NEDD4: variants seen among roughly 807,000 people sequenced by gnomAD.
The protein encoded by NEDD4 is NEDD4 E3 ubiquitin protein ligase, also known as E3 ubiquitin-protein ligase NEDD4.
A neutral mutation model predicts 144.9 loss-of-function variants in NEDD4; 99 were observed. The observed-to-expected ratio is 0.68, with a 90% CI of 0.58 to 0.81. NEDD4 has a LOEUF of 0.81. Ranked by LOEUF, NEDD4 falls within the 30% of genes least tolerant of loss-of-function variation. NEDD4 has a pLI of 0.00. For synonymous variants in NEDD4, 318 were observed against 350.6 expected (o/e 0.91, Z 1.04); for missense variants, 985 against 1,065.9 (o/e 0.92, Z 1.06).
At chr15:55,844,736 C>G (rs2033669479) in intron 18 of NEDD4, among the ~76,000 whole-genome samples, 1 of 151,904 alleles carries the variant, frequency 6.6e-6, no homozygotes, top group South Asian at 2.1e-4. Context: ...TTATTCCTAA[C>G]TACAAGATGT....
intron 1 of NEDD4, among the ~76,000 whole-genome samples, chr15:55,986,082 T>A (rs1370984086): frequency 6.6e-6 from 1 of 152,174 alleles, no homozygotes; most frequent in African/African-American, 2.4e-5. Context: ...TTAATGACAG[T>A]AACTGATTAC....
At chr15:55,949,343 A>G (rs1323022356) in intron 4 of NEDD4, among the ~76,000 whole-genome samples, 22 of 152,192 alleles carry the variant, frequency 1.4e-4, no homozygotes, top group Admixed American at 1.4e-3. Flanking sequence ...ATACTTTTAC[A>G]CTGTTGGTGG....
intron 5 of NEDD4, among the ~76,000 whole-genome samples, chr15:55,906,583 G>A (rs1368819485): frequency 6.7e-6 from 1 of 149,596 alleles, no homozygotes; most frequent in African/African-American, 2.5e-5. Flanking sequence ...ACTGAACAAT[G>A]AGAACACTTG....
At chr15:55,990,709 T>C (rs1198003248) in intron 1 of NEDD4, among the ~76,000 whole-genome samples, 5 of 152,168 alleles carry the variant, frequency 3.3e-5, no homozygotes, top group South Asian at 4.1e-4. Context: ...AGTGTTTAGT[T>C]TTCCCACCTC....
chr15:55,919,535 T>C (rs2036530077), intron 5 of NEDD4, among the ~76,000 whole-genome samples: 2 of 152,174 alleles, frequency 1.3e-5, no homozygotes, highest in Non-Finnish European at 2.9e-5. Flanking sequence ...ACTGCTATTA[T>C]AGCAGTTACA....
At chr15:55,867,407 C>A (rs1225859449) in intron 8 of NEDD4, among the ~76,000 whole-genome samples, 2 of 152,160 alleles carry the variant, frequency 1.3e-5, no homozygotes, top group Non-Finnish European at 2.9e-5. Flanking sequence ...TGAAGCAGTT[C>A]TCTCCACAGA....
At chr15:55,988,765 A>T (rs2037940466) in intron 1 of NEDD4, among the ~76,000 whole-genome samples, 1 of 152,172 alleles carries the variant, frequency 6.6e-6, no homozygotes, top group Admixed American at 6.5e-5. Flanking sequence ...GTATTTAAAG[A>T]TGATGGGGCA....
chr15:55,841,414 A>G (rs1351003220), intron 19 of NEDD4, among the ~76,000 whole-genome samples: 2 of 152,224 alleles, frequency 1.3e-5, no homozygotes, highest in African/African-American at 2.4e-5. Flanking sequence ...AGTCAAATTC[A>G]TAGGGACAGA....
At chr15:55,966,589 G>A (rs1289999365) in intron 1 of NEDD4, 43 bp from the exon 2 acceptor site, 20 of 1,114,536 alleles carry the variant, frequency 1.8e-5, no homozygotes, top group Non-Finnish European at 2.4e-5. Context: ...GTACTTATAA[G>A]TTAACTAAGA....
intron 4 of NEDD4, among the ~76,000 whole-genome samples, chr15:55,931,322 T>A (rs1300723787): frequency 6.6e-6 from 1 of 152,144 alleles, no homozygotes; most frequent in Non-Finnish European, 1.5e-5. Flanking sequence ...AAAAAGTGGG[T>A]AGCAGGAATA....
chr15:55,985,760 TACAC>T (rs3049246), intron 1 of NEDD4, among the ~76,000 whole-genome samples: 259 of 148,304 alleles, frequency 1.7e-3, no homozygotes, highest in Middle Eastern at 7.1e-3. Context: ...AGAGTACACA[TACAC>T]ACACACACAC....
At chr15:55,968,151 T>G (rs2037548224) in intron 1 of NEDD4, among the ~76,000 whole-genome samples, 1 of 152,102 alleles carries the variant, frequency 6.6e-6, no homozygotes, top group African/African-American at 2.4e-5. Context: ...TCCCTTCAAA[T>G]TTTTTCATGG....
At chr15:55,875,983 A>G (rs1722482099) in intron 5 of NEDD4, among the ~76,000 whole-genome samples, 1 of 152,230 alleles carries the variant, frequency 6.6e-6, no homozygotes, top group African/African-American at 2.4e-5. Context: ...GCTGAAAACA[A>G]AAGATAAACA....
intron 5 of NEDD4, among the ~76,000 whole-genome samples, chr15:55,911,729 C>T (rs924274475): frequency 8.5e-5 from 13 of 152,076 alleles, no homozygotes; most frequent in Non-Finnish European, 1.6e-4. Flanking sequence ...GGGGTTTCAC[C>T]GTGTTAGCCA....
chr15:55,836,330 TGACACACA>T (rs1273013790), intron 24 of NEDD4, among the ~76,000 whole-genome samples: 2 of 71,898 alleles, frequency 2.8e-5, no homozygotes, highest in Non-Finnish European at 2.6e-5. Flanking sequence ...AAAAAGTATG[TGACACACA>T]CACACACACA....
At chr15:55,962,792 T>C (rs970669775) in intron 2 of NEDD4, among the ~76,000 whole-genome samples, 3 of 152,002 alleles carry the variant, frequency 2.0e-5, no homozygotes, top group Non-Finnish European at 4.4e-5. Flanking sequence ...ACTTTTATTT[T>C]TTTTATTTTA....
chr15:55,938,369 CAAAA>C (rs2036932726), intron 4 of NEDD4, among the ~76,000 whole-genome samples: 1 of 151,764 alleles, frequency 6.6e-6, no homozygotes, highest in Admixed American at 6.6e-5. Context: ...AAAAACAAAA[CAAAA>C]AAACAACAAA....
At chr15:55,863,954 C>T (rs1277434357) in intron 8 of NEDD4, among the ~76,000 whole-genome samples, 6 of 152,148 alleles carry the variant, frequency 3.9e-5, no homozygotes, top group Non-Finnish European at 7.3e-5. Context: ...TCTCTTTCTC[C>T]TCTGGACCAA....
At chr15:55,933,185 T>C (rs2036816328) in intron 4 of NEDD4, among the ~76,000 whole-genome samples, 2 of 152,094 alleles carry the variant, frequency 1.3e-5, no homozygotes, top group African/African-American at 4.8e-5. Context: ...ACTGGGTATA[T>C]ACCCAAAGGA....
Sources: allele counts gnomAD v4.1 joint callset (sites outside exome capture counted in the v4.1 genomes callset), GRCh38; gene constraint gnomAD v4.1.1; transcripts MANE v1.5; gene names NCBI Gene and HGNC (gene_info 2026-07-23, HGNC 2026-07-21).